ZSWIM6: variants seen among roughly 807,000 people sequenced by gnomAD.
ZSWIM6 encodes the protein zinc finger SWIM domain-containing protein 6.
ZSWIM6 carries 9 observed loss-of-function variants against 113.2 expected under a neutral mutation model. The observed-to-expected ratio is 0.08, with a 90% CI of 0.05 to 0.14. The LOEUF (loss-of-function observed/expected upper bound fraction) is 0.14, where lower values mean the gene tolerates loss of function less well. ZSWIM6 is among the 10% of genes least tolerant of loss of function. The pLI, the probability that ZSWIM6 is intolerant of heterozygous loss-of-function variation, is 1.00. For synonymous variants in ZSWIM6, 611 were observed against 606.5 expected (o/e 1.01, Z -0.11); for missense variants, 1,162 against 1,552.2 (o/e 0.75, Z 4.22).
chr5:61,336,855 A>G (rs1362634598), intron 1 of ZSWIM6, among the ~76,000 whole-genome samples: 1 of 152,242 alleles, frequency 6.6e-6, no homozygotes, highest in Non-Finnish European at 1.5e-5. Flanking sequence ...CATTGGACCA[A>G]AGGTTGGTAG....
At chr5:61,538,367 CT>C (rs1201243834) in intron 10 of ZSWIM6, among the ~76,000 whole-genome samples, 1 of 152,204 alleles carries the variant, frequency 6.6e-6, no homozygotes, top group Non-Finnish European at 1.5e-5. Flanking sequence ...ATCTTAAGTA[CT>C]CACTGCTTCC....
chr5:61,399,104 T>A (rs1382580408), intron 1 of ZSWIM6, among the ~76,000 whole-genome samples: 2 of 151,546 alleles, frequency 1.3e-5, no homozygotes, highest in African/African-American at 4.9e-5. Flanking sequence ...TGTATTTTTT[T>A]AGTAGAGACG....
intron 10 of ZSWIM6, 116 bp downstream of exon 10, chr5:61,535,735 T>G: frequency 7.8e-7 from 1 of 1,275,046 alleles, no homozygotes; most frequent in Non-Finnish European, 1.1e-6. Flanking sequence ...CTAAAGAAAC[T>G]ATGTATTTAT....
At chr5:61,428,230 G>GT (rs1206147531) in intron 1 of ZSWIM6, among the ~76,000 whole-genome samples, 1 of 151,916 alleles carries the variant, frequency 6.6e-6, no homozygotes, top group Non-Finnish European at 1.5e-5. Context: ...ACTGTCATAT[G>GT]TTTTTTTGCA....
intron 1 of ZSWIM6, among the ~76,000 whole-genome samples, chr5:61,425,203 A>G (rs963893245): frequency 2.0e-5 from 3 of 152,218 alleles, no homozygotes; most frequent in African/African-American, 7.2e-5. Context: ...AATATTGTCC[A>G]TGGAACTATG....
At chr5:61,511,195 G>A (rs1379878870) in intron 4 of ZSWIM6, among the ~76,000 whole-genome samples, 1 of 152,082 alleles carries the variant, frequency 6.6e-6, no homozygotes. Flanking sequence ...CCTCTCTTTA[G>A]GGAGGTGAGC....
rs34072520 is a variant in ZSWIM6, at chr5:61,355,431, A to AACACACACAC, written c.676+22540_676+22549dup. Among the ~76,000 whole-genome samples, 38 of 127,680 alleles carry AACACACACAC rather than the reference A, an allele frequency of 3.0e-4. 1 individual carries two copies. Among genetic ancestry groups the AACACACACAC allele is most frequent in the African/African-American group, 6.5e-4 (22 of 33,636 alleles). The allele number at this position is 127,680 out of a possible 152,430, so 83.8% of individuals were successfully genotyped here. A position where few individuals can be genotyped will look rare whatever the true frequency, so the allele number is the denominator to read the frequency against. ...GTGCGAATCTCTTGAGAGACTTTAA[A>AACACACACAC]ACACACACACACACACACACACACA... is the stretch of plus-strand genomic sequence containing the variant. On this transcript the variant is annotated intron_variant, in intron 1 of 13. Coordinates refer to ENST00000252744, the MANE Select transcript of ZSWIM6 (RefSeq NM_020928.2).
chr5:61,443,771 C>T (rs1746888126), intron 1 of ZSWIM6, among the ~76,000 whole-genome samples: 1 of 152,002 alleles, frequency 6.6e-6, no homozygotes. Flanking sequence ...TACATTTTTT[C>T]CCTGCAGTTT....
intron 2 of ZSWIM6, among the ~76,000 whole-genome samples, chr5:61,484,107 A>G (rs1014750135): frequency 6.6e-6 from 1 of 152,154 alleles, no homozygotes; most frequent in Non-Finnish European, 1.5e-5. Flanking sequence ...AGCAGGCCAC[A>G]GAAGACTGGA....
chr5:61,439,305 T>TACC (rs1389848672), intron 1 of ZSWIM6, among the ~76,000 whole-genome samples: 1 of 152,206 alleles, frequency 6.6e-6, no homozygotes, highest in Non-Finnish European at 1.5e-5. Flanking sequence ...ATCTGTTATG[T>TACC]ACCATTATGT....
chr5:61,445,618 C>T (rs914715220), intron 1 of ZSWIM6, among the ~76,000 whole-genome samples: 2 of 152,096 alleles, frequency 1.3e-5, no homozygotes, highest in African/African-American at 4.8e-5. Context: ...AAGCAAATGA[C>T]AAATTGTTGG....
At chr5:61,456,660 A>T (rs921522786) in intron 1 of ZSWIM6, among the ~76,000 whole-genome samples, 1 of 152,232 alleles carries the variant, frequency 6.6e-6, no homozygotes, top group Non-Finnish European at 1.5e-5. Context: ...TAAGGGAAAG[A>T]GGCAAGGTAC....
chr5:61,332,612 T>C lies in ZSWIM6; in HGVS notation c.340T>C (p.Phe114Leu). 2 of 1,266,832 alleles carry C rather than the reference T, an allele frequency of 1.6e-6. No homozygotes were observed. Among genetic ancestry groups the C allele is most frequent in the East Asian group, 5.4e-5 (1 of 18,654 alleles). The allele number at this position is 1,266,832 out of a possible 1,614,324, so 78.5% of individuals were successfully genotyped here. ...GCAGCGCCGCATAGTCTATTGGTCC[T>C]TCCCCCGCAGCGAGCGGGAGATCTG... Reference protein sequence around the residue: ...PVQRRIVYWSFPRSEREICMY... With the variant: ...PVQRRIVYWSLPRSEREICMY... Residue 114 changes from phenylalanine to leucine, a missense_variant, in exon 1 of 14, where the codon TTC (phenylalanine) becomes CTC (leucine). Physicochemically the swap from Phe to Leu is conservative, Grantham distance 22. Transcript: ENST00000252744.
At chr5:61,487,715 G>A (rs1748058356) in intron 2 of ZSWIM6, among the ~76,000 whole-genome samples, 1 of 151,974 alleles carries the variant, frequency 6.6e-6, no homozygotes, top group South Asian at 2.1e-4. Context: ...ACTACTTTTT[G>A]TATGTTGATT....
At chr5:61,435,417 C>G (rs1307632676) in intron 1 of ZSWIM6, among the ~76,000 whole-genome samples, 1 of 152,120 alleles carries the variant, frequency 6.6e-6, no homozygotes, top group African/African-American at 2.4e-5. Flanking sequence ...GGCTGGGAAC[C>G]ATCCAAATGG....
At chr5:61,367,366 C>T (rs1301087106) in intron 1 of ZSWIM6, among the ~76,000 whole-genome samples, 1 of 152,084 alleles carries the variant, frequency 6.6e-6, no homozygotes, top group East Asian at 1.9e-4. Context: ...AGTGATCCTC[C>T]CAACTCAGCC....
At chr5:61,456,965 T>A (rs977048471) in intron 1 of ZSWIM6, among the ~76,000 whole-genome samples, 10 of 151,848 alleles carry the variant, frequency 6.6e-5, no homozygotes, top group Admixed American at 2.6e-4. Context: ...GCAGGTTAGT[T>A]ACATATGTAT....
At chr5:61,367,597 T>G (rs952651403) in intron 1 of ZSWIM6, among the ~76,000 whole-genome samples, 36 of 152,156 alleles carry the variant, frequency 2.4e-4, no homozygotes, top group African/African-American at 8.4e-4. Flanking sequence ...TTCTCTAGCT[T>G]TCTCAAGATT....
At chr5:61,393,134 G>C (rs2112094470) in intron 1 of ZSWIM6, among the ~76,000 whole-genome samples, 1 of 152,058 alleles carries the variant, frequency 6.6e-6, no homozygotes, top group South Asian at 2.1e-4. Flanking sequence ...CCGCCTCCCA[G>C]GTTGAAGCGA....
Sources: gnomAD v4.1 joint callset for allele counts (sites outside exome capture counted in the v4.1 genomes callset) on GRCh38, gnomAD v4.1.1 for gene constraint, MANE v1.5 for transcripts, NCBI Gene and HGNC (gene_info 2026-07-23, HGNC 2026-07-21) for gene names.